Variants in DBF4 observed in about 807,000 individuals in gnomAD.
DBF4 encodes the protein DBF4-CDC7 kinase regulatory subunit.
In DBF4, 25 loss-of-function variants were observed where a neutral mutation model predicts 76.6. That is an observed-to-expected ratio of 0.33 (90% confidence interval 0.24 to 0.46). The LOEUF is 0.46. DBF4 is among the 20% of genes least tolerant of loss of function. DBF4 has a pLI of 1.00. For missense variants in DBF4, 638 were observed against 760.8 expected, an observed-to-expected ratio of 0.84 and a Z score of 1.90; for synonymous variants, 213 against 258.0, an observed-to-expected ratio of 0.83 and a Z score of 1.67.
rs1184021792 is a variant in DBF4, at chr7:87,908,028, A to C, written c.1890A>C (p.Glu630Asp). ...DLFQTSEEKSEFLGFTSYTEK... is the reference protein window; with the variant it reads ...DLFQTSEEKSDFLGFTSYTEK... The stretch of plus-strand genomic sequence containing the variant: ...TTCAGACTAGTGAAGAGAAATCAGA[A>C]TTTTTGGGTTTCACAAGCTACACAG... The change falls in exon 12 of 12, where the codon GAA (glutamate) becomes GAC (aspartate). Residue 630 changes from glutamate to aspartate, a missense_variant. By Grantham distance (45) the Glu-to-Asp change is conservative. Coordinates refer to ENST00000265728, the MANE Select transcript of DBF4 (RefSeq NM_006716.4). The C allele has an allele frequency of 2.5e-6, 4 of 1,613,694 alleles. No homozygotes were observed. In the African/African-American group the frequency reaches 5.3e-5, roughly 22 times the overall value.
chr7:87,893,933 C>T (rs1839560387), intron 6 of DBF4, among the ~76,000 whole-genome samples: 1 of 152,082 alleles, frequency 6.6e-6, no homozygotes. Flanking sequence ...TTTTAACTCT[C>T]TTCATTTTTG....
At chr7:87,888,480 A>T (rs1158493795) in intron 6 of DBF4, 1 of 217,252 alleles carries the variant, frequency 4.6e-6, no homozygotes, top group Non-Finnish European at 7.8e-6. Context: ...ACCTTGAAAT[A>T]CTTGTTAAAC....
intron 11 of DBF4, among the ~76,000 whole-genome samples, chr7:87,906,165 CAA>C (rs1484255679): frequency 6.7e-6 from 1 of 149,902 alleles, no homozygotes; most frequent in African/African-American, 2.5e-5. Context: ...CAAAAAAAAA[CAA>C]AAAACAAAAA....
In DBF4 at chr7:87,907,265, A is replaced by G; in HGVS notation, c.1127A>G (p.Glu376Gly). ...LKKTEQKEKVELQHISQKDCQ... is the reference protein window; with the variant it reads ...LKKTEQKEKVGLQHISQKDCQ... ...AAGACTGAACAAAAGGAAAAAGTGGAATTGCAACATATTTCTCAGAAAGAT... is the reference window on the plus strand; with the variant it reads ...AAGACTGAACAAAAGGAAAAAGTGGGATTGCAACATATTTCTCAGAAAGAT... Residue 376 changes from glutamate (E) to glycine (G), a missense_variant, in exon 12 of 12, where the codon GAA (glutamate) becomes GGA (glycine). Transcript: ENST00000265728. 4 of 1,613,872 alleles carry G rather than the reference A, an allele frequency of 2.5e-6. No individual in the cohort carries two copies. The highest frequency in any genetic ancestry group is 3.4e-6 in the Non-Finnish European group (4 of 1,179,908).
chr7:87,878,683 A>G (rs1839131391), intron 2 of DBF4: 2 of 152,868 alleles, frequency 1.3e-5, no homozygotes, highest in African/African-American at 4.8e-5. Flanking sequence ...ATTAAAGGAA[A>G]AGAAATTTGC....
chr7:87,882,776 G>C (rs915144257), intron 2 of DBF4, among the ~76,000 whole-genome samples: 4 of 152,150 alleles, frequency 2.6e-5, no homozygotes, highest in Non-Finnish European at 5.9e-5. Context: ...ACACCTGTTA[G>C]GATGGTTACT....
At position 87,900,208 on chromosome 7, in the gene DBF4, T is replaced by C. The variant is rs1451750894; in HGVS notation, c.681-13T>C. ...ATAAAGAATCTCATGTATTTGTCTT[T>C]TTATTCTTCTAGACTTTATAGGCCA... is the stretch of plus-strand genomic sequence containing the variant. On this transcript the variant is annotated splice_polypyrimidine_tract_variant and intron_variant, in intron 8 of 11. Coordinates refer to ENST00000265728, the MANE Select transcript of DBF4 (RefSeq NM_006716.4). 5.7e-6 allele frequency: 9 copies of C among 1,570,410 alleles called. No homozygotes were observed. The highest frequency in any genetic ancestry group is 4.3e-4 in the Middle Eastern group (2 of 4,686).
Position 87,886,829 on chromosome 7 carries a change from C to T in DBF4, c.400-15C>T, listed in dbSNP as rs1229997181. On this transcript the variant is annotated splice_polypyrimidine_tract_variant and intron_variant, in intron 3 of 11. Coordinates refer to ENST00000265728, the MANE Select transcript of DBF4 (RefSeq NM_006716.4). ...GTTAAGCACTATGTTTTAAATTTTT[C>T]TGGTCTTTTTATAGGTGTGTTTAAG... 1 of 1,505,424 alleles carries T rather than the reference C, an allele frequency of 6.6e-7. No individual in the cohort carries two copies. Among genetic ancestry groups the T allele is most frequent in the Non-Finnish European group, 9.2e-7 (1 of 1,091,372 alleles). The allele number at this position is 1,505,424 out of a possible 1,614,324, so 93.3% of individuals were successfully genotyped here.
intron 3 of DBF4, among the ~76,000 whole-genome samples, chr7:87,886,167 C>G (rs1379927456): frequency 3.9e-5 from 6 of 152,004 alleles, no homozygotes; most frequent in Non-Finnish European, 8.8e-5. Flanking sequence ...AGCAAGGAGA[C>G]AATACACCAG....
chr7:87,888,345 G>A (rs1311477409), intron 6 of DBF4: 3 of 979,366 alleles, frequency 3.1e-6, no homozygotes, highest in Non-Finnish European at 3.6e-6. Context: ...ACTAAAATCA[G>A]CCTGTTGTAT....
intron 8 of DBF4, among the ~76,000 whole-genome samples, chr7:87,899,859 A>G (rs1439227976): frequency 6.6e-6 from 1 of 152,220 alleles, no homozygotes; most frequent in Non-Finnish European, 1.5e-5. Context: ...ATATGGAGAA[A>G]GGATATTTGG....
In DBF4 at chr7:87,880,914, G is replaced by A. The variant is rs1054437942; in HGVS notation, c.219+2689G>A. Among the ~76,000 whole-genome samples the A allele has an allele frequency of 4.1e-4, 63 of 152,148 alleles. 1 individual carries two copies. The highest frequency in any genetic ancestry group is 1.1e-3 in the African/African-American group (45 of 41,444). On this transcript the variant is annotated intron_variant, in intron 2 of 11. Transcript: ENST00000265728. ...TTGGAGAGGAACAGAAATGTAGGCC[G>A]ATACCTTGGCGTATTAGCTTGAACT...
At chr7:87,904,761 T>C (rs927297935) in intron 11 of DBF4, among the ~76,000 whole-genome samples, 2 of 151,932 alleles carry the variant, frequency 1.3e-5, no homozygotes, top group African/African-American at 4.8e-5. Context: ...AAATAAATTA[T>C]ACTAGAATAT....
At chr7:87,897,235 T>TTA in intron 7 of DBF4, 59 bp from the exon 8 acceptor site, 3 of 1,316,066 alleles carry the variant, frequency 2.3e-6, no homozygotes, top group Middle Eastern at 2.0e-4. Flanking sequence ...GTAGTTTTAT[T>TTA]AAAAAAAAAA....
intron 2 of DBF4, among the ~76,000 whole-genome samples, chr7:87,881,045 C>T (rs1182489738): frequency 2.6e-5 from 4 of 152,176 alleles, no homozygotes; most frequent in Non-Finnish European, 2.9e-5. Flanking sequence ...ACATTGAAGA[C>T]CCTGGTAAAA....
At chr7:87,886,664 G>A (rs1839363001) in intron 3 of DBF4, among the ~76,000 whole-genome samples, 180 bp from the exon 4 acceptor site, 1 of 151,472 alleles carries the variant, frequency 6.6e-6, no homozygotes, top group South Asian at 2.1e-4. Context: ...GAATTCCAGT[G>A]AAACCTAGCT....
In DBF4 at chr7:87,907,383, C is replaced by T; in HGVS notation, c.1245C>T (p.Pro415=). The change falls in exon 12 of 12, where the codon CCC becomes CCT. Residue 415 remains proline, a synonymous_variant. Transcript: ENST00000265728. The part of the protein sequence containing the change: ...TEKKLLFISE[P]IPHPSNELRG... Reference sequence around the variant, plus strand: ...AAAAGCTCCTGTTTATTTCAGAGCCCATCCCCCACCCTTCAAATGAATTGA... The same window carrying T: ...AAAAGCTCCTGTTTATTTCAGAGCCTATCCCCCACCCTTCAAATGAATTGA... The T allele has an allele frequency of 6.2e-7, 1 of 1,613,972 alleles. No homozygotes were observed.
intron 10 of DBF4, 93 bp downstream of exon 10, chr7:87,900,971 C>T: frequency 9.3e-7 from 1 of 1,070,968 alleles, no homozygotes; most frequent in Non-Finnish European, 1.4e-6. Context: ...AGATATTTTA[C>T]ATTTTAAGAA....
In DBF4 at chr7:87,881,512, A is replaced by T. The variant is rs146302629; in HGVS notation, c.219+3287A>T. 2.2e-4 allele frequency among the ~76,000 whole-genome samples: 34 copies of T among 152,360 alleles called. No homozygotes were observed. In the East Asian group the frequency reaches 6.4e-3, roughly 29 times the overall value. ...CAAGTAATTGTGTTAATAATACAAC[A>T]TAGAATGTCAAGAGAAAGGAGAGAT... On this transcript the variant is annotated intron_variant, in intron 2 of 11. Coordinates refer to ENST00000265728, the MANE Select transcript of DBF4 (RefSeq NM_006716.4).
Sources: allele counts gnomAD v4.1 joint callset (sites outside exome capture counted in the v4.1 genomes callset), GRCh38; gene constraint gnomAD v4.1.1; transcripts MANE v1.5; gene names NCBI Gene and HGNC (gene_info 2026-07-23, HGNC 2026-07-21).